Variants in ACSL1 observed in about 807,000 individuals in gnomAD.
ACSL1 encodes the protein long-chain-fatty-acid--CoA ligase 1.
In ACSL1, 41 loss-of-function variants were observed where a neutral mutation model predicts 98.4. The ratio of observed to expected loss-of-function variants is 0.42; its 90% CI spans 0.32 to 0.54. The LOEUF (loss-of-function observed/expected upper bound fraction) is 0.54. Ranked by LOEUF, ACSL1 falls within the 20% of genes least tolerant of loss-of-function variation. The probability of loss-of-function intolerance (pLI) is 0.13; values close to 1 mark genes in which losing one functional copy is unlikely to be tolerated. For synonymous variants in ACSL1, 316 were observed against 322.7 expected, an observed-to-expected ratio of 0.98 and a Z score of 0.22; for missense variants, 734 against 883.1, an observed-to-expected ratio of 0.83 and a Z score of 2.14.
chr4:184,783,557 A>C (rs1368567263), intron 4 of ACSL1, among the ~76,000 whole-genome samples: 3 of 152,248 alleles, frequency 2.0e-5, no homozygotes, highest in Non-Finnish European at 4.4e-5. Flanking sequence ...CTCATCTGTG[A>C]AATGAAGATG....
intron 1 of ACSL1, among the ~76,000 whole-genome samples, chr4:184,814,290 CAAAAAAAAAAAAA>C (rs61541962): frequency 3.1e-5 from 2 of 64,550 alleles, no homozygotes; most frequent in Admixed American, 2.1e-4. Context: ...GACTCCGCCT[CAAAAAAAAAAAAA>C]AAAAAAAAAA....
chr4:184,822,151 T>G (rs1773110881), intron 1 of ACSL1, among the ~76,000 whole-genome samples: 2 of 152,174 alleles, frequency 1.3e-5, no homozygotes. Context: ...GAGATTTTAT[T>G]TTATTGTTTT....
intron 3 of ACSL1, among the ~76,000 whole-genome samples, chr4:184,787,630 G>A (rs1360059848): frequency 5.3e-5 from 8 of 152,224 alleles, no homozygotes; most frequent in East Asian, 1.9e-4. Flanking sequence ...TTGGGAGGCC[G>A]AGGTGGGTGG....
At chr4:184,815,124 T>C (rs1001606730) in intron 1 of ACSL1, 3 of 455,886 alleles carry the variant, frequency 6.6e-6, no homozygotes, top group Admixed American at 4.7e-5. Flanking sequence ...TCCAGGAATC[T>C]AGGGGAGGGA....
At chr4:184,779,568 T>C (rs1202074286) in intron 5 of ACSL1, among the ~76,000 whole-genome samples, 1 of 152,164 alleles carries the variant, frequency 6.6e-6, no homozygotes, top group Non-Finnish European at 1.5e-5. Context: ...CAGTGAGTAC[T>C]GTCCCCATCA....
At chr4:184,818,280 A>G (rs1223483257) in intron 1 of ACSL1, among the ~76,000 whole-genome samples, 2 of 152,210 alleles carry the variant, frequency 1.3e-5, no homozygotes, top group Admixed American at 6.5e-5. Flanking sequence ...GGAAGACTAC[A>G]GTAGAGTTAT....
At chr4:184,804,306 G>A (rs749884777) in intron 1 of ACSL1, among the ~76,000 whole-genome samples, 2 of 152,206 alleles carry the variant, frequency 1.3e-5, no homozygotes, top group Non-Finnish European at 2.9e-5. Context: ...GCAGCCGGAC[G>A]CGGTGGCTCA....
chr4:184,788,400 C>T, intron 3 of ACSL1: 1 of 655,590 alleles, frequency 1.5e-6, no homozygotes, highest in Non-Finnish European at 2.8e-6. Context: ...GGATGTGACA[C>T]TCACATATTT....
intron 1 of ACSL1, among the ~76,000 whole-genome samples, chr4:184,811,961 G>T (rs1772159360): frequency 6.6e-6 from 1 of 152,086 alleles, no homozygotes; most frequent in Non-Finnish European, 1.5e-5. Context: ...GAGACAGGAG[G>T]GTGATTTGTG....
chr4:184,760,575 C>A, intron 17 of ACSL1, 75 bp from the exon 18 acceptor site: 1 of 1,569,772 alleles, frequency 6.4e-7, no homozygotes, highest in Non-Finnish European at 8.7e-7. Context: ...CAGTACAACA[C>A]TGAAAGGTAT....
rs368192550 is a variant in ACSL1 at position 184,790,596 on chromosome 4, A to C, written c.196-1865T>G. On this transcript the variant is annotated intron_variant, in intron 2 of 20. Transcript: ENST00000281455. ...TACAGCACACTACTTTATGAAGCAA[A>C]AACGTTATTCTCTGTGTGCATAAGA... Among the ~76,000 whole-genome samples, 23 of 152,360 alleles carry C rather than the reference A, an allele frequency of 1.5e-4. 2 individuals carry two copies. The highest frequency in any genetic ancestry group is 5.5e-4 in the African/African-American group (23 of 41,582).
rs1187748994 is a variant in ACSL1 at position 184,825,834 on chromosome 4, G to A, written c.-33+82C>T. 6.7e-6 allele frequency: 1 copy of A among 149,120 alleles called. No individual in the cohort carries two copies. The highest frequency in any genetic ancestry group is 6.7e-5 in the Admixed American group (1 of 15,004). The allele number at this position is 149,120 out of a possible 1,614,324, so 9.2% of individuals were successfully genotyped here. A position where few individuals can be genotyped will look rare whatever the true frequency, so the allele number is the denominator to read the frequency against. ...CCGCTGCTCCGGGCTCGGCCCTGAA[G>A]GGCAACGTCAGCCGGCGCCTCGGCC... On this transcript the variant is annotated intron_variant, in intron 1 of 20. Transcript: ENST00000281455. This position sits in a 1 kb window ranked among gnomAD's most constrained non-coding sequence, Gnocchi z 4.7.
intron 2 of ACSL1, among the ~76,000 whole-genome samples, chr4:184,797,113 G>T (rs1420428720): frequency 1.3e-5 from 2 of 152,022 alleles, no homozygotes; most frequent in Non-Finnish European, 2.9e-5. Flanking sequence ...GTCTCTAAAT[G>T]TCTGCCTCAC....
In ACSL1 at chr4:184,776,467, G is replaced by C; in HGVS notation, c.756+17C>G. 5.6e-6 allele frequency: 9 copies of C among 1,605,334 alleles called. No individual in the cohort carries two copies. Among genetic ancestry groups the C allele is most frequent in the Non-Finnish European group, 7.7e-6 (9 of 1,176,304 alleles). On this transcript the variant is annotated intron_variant, in intron 7 of 20. Coordinates refer to ENST00000281455, the MANE Select transcript of ACSL1 (RefSeq NM_001995.5). ...CAGGGAAAGCCTTCAGAGAAGGGAAGGAGGCAGGGCACTCACCTCCATCGC... is the reference window on the plus strand; with the variant it reads ...CAGGGAAAGCCTTCAGAGAAGGGAACGAGGCAGGGCACTCACCTCCATCGC...
chr4:184,776,938 C>A lies in ACSL1; in HGVS notation c.523G>T (p.Val175Phe), dbSNP rs145945378. Residue 175 changes from valine to phenylalanine, a missense_variant, in exon 6 of 21, where the codon GTT (valine) becomes TTT (phenylalanine). Coordinates refer to ENST00000281455, the MANE Select transcript of ACSL1 (RefSeq NM_001995.5). ...QGCFAYSMVI[V>F]PLYDTLGNEA... ...TTTCCAAGGGTATCATAAAGTGGAACGATCACCATCGAATAAGCAAAGCAT... is the reference window on the plus strand; with the variant it reads ...TTTCCAAGGGTATCATAAAGTGGAAAGATCACCATCGAATAAGCAAAGCAT... 2 of 1,613,962 alleles carry A rather than the reference C, an allele frequency of 1.2e-6. No homozygotes were observed. Among genetic ancestry groups the A allele is most frequent in the African/African-American group, 1.3e-5 (1 of 74,874 alleles).
At chr4:184,785,888 C>T (rs1182462665) in intron 3 of ACSL1, among the ~76,000 whole-genome samples, 5 of 152,196 alleles carry the variant, frequency 3.3e-5, no homozygotes, top group African/African-American at 9.7e-5. Context: ...TTCATTTGCA[C>T]GTTCTCCTCA....
rs550774419 is a variant in ACSL1 at position 184,778,942 on chromosome 4, A to AT, written c.477+1389dup. Among the ~76,000 whole-genome samples the AT allele has an allele frequency of 3.0e-4, 41 of 138,428 alleles. No individual in the cohort carries two copies. The East Asian group carries it at 7.9e-3, about 27-fold the overall frequency. 90.8% of individuals were successfully genotyped at this position (138,428 alleles called of 152,430 possible). A position where few individuals can be genotyped will look rare whatever the true frequency, so the allele number is the denominator to read the frequency against. ...ACTCTAAGAAGCCATCTTTATTTAT[A>AT]TAAAAAAAAAAAAGTCAGTAGCACA... On this transcript the variant is annotated intron_variant, in intron 5 of 20. Coordinates refer to ENST00000281455, the MANE Select transcript of ACSL1 (RefSeq NM_001995.5).
chr4:184,777,217 C>T (rs1765427770), intron 5 of ACSL1, among the ~76,000 whole-genome samples: 1 of 152,224 alleles, frequency 6.6e-6, no homozygotes, highest in South Asian at 2.1e-4. Flanking sequence ...CCAGTGATCC[C>T]AGCACTTTGG....
chr4:184,778,331 A>G (rs1237178004), intron 5 of ACSL1, among the ~76,000 whole-genome samples: 2 of 152,160 alleles, frequency 1.3e-5, no homozygotes. Flanking sequence ...TAGGCTTCTG[A>G]GTTTCGGTTT....
Sources: allele counts gnomAD v4.1 joint callset (sites outside exome capture counted in the v4.1 genomes callset), GRCh38; gene constraint gnomAD v4.1.1; non-coding constraint Gnocchi (gnomAD v3.1); transcripts MANE v1.5; gene names NCBI Gene and HGNC (gene_info 2026-07-23, HGNC 2026-07-21).